ATOSA: variants seen among roughly 807,000 people sequenced by gnomAD.
ATOSA encodes atos homolog protein A.
the ATOSA span, among the ~76,000 whole-genome samples, chr15:52,622,802 C>A: frequency 6.6e-6 from 1 of 151,800 alleles, no homozygotes; most frequent in Non-Finnish European, 1.5e-5. Flanking sequence ...GCTGAAATTG[C>A]AGTGGGGAGA....
At chr15:52,704,527 G>A in the ATOSA span, among the ~76,000 whole-genome samples, 1 of 152,148 alleles carries the variant, frequency 6.6e-6, no homozygotes, top group African/African-American at 2.4e-5. Flanking sequence ...AAACTAACGA[G>A]CTTCTGCACA....
the ATOSA span, among the ~76,000 whole-genome samples, chr15:52,662,496 C>T: frequency 6.6e-6 from 1 of 152,160 alleles, no homozygotes; most frequent in African/African-American, 2.4e-5. Flanking sequence ...TAGGGCCGGG[C>T]ACGGTGGCTC....
At chr15:52,662,628 G>T in the ATOSA span, among the ~76,000 whole-genome samples, 2 of 151,504 alleles carry the variant, frequency 1.3e-5, no homozygotes, top group Non-Finnish European at 3.0e-5. Context: ...AAATTAGCAG[G>T]GCACGGTGGC....
the ATOSA span, among the ~76,000 whole-genome samples, chr15:52,634,527 G>A: frequency 4.0e-5 from 6 of 151,462 alleles, no homozygotes; most frequent in South Asian, 2.1e-4. Flanking sequence ...AAAGGCAGAC[G>A]TTGTGAGATT....
At chr15:52,587,057 A>G in the ATOSA span, 3 of 1,589,366 alleles carry the variant, frequency 1.9e-6, no homozygotes, top group Admixed American at 5.5e-5. Context: ...GTTACTTACC[A>G]AAGTTGTTGC....
At chr15:52,635,906 G>A in the ATOSA span, among the ~76,000 whole-genome samples, 1 of 151,600 alleles carries the variant, frequency 6.6e-6, no homozygotes, top group African/African-American at 2.4e-5. Flanking sequence ...TGAGGCAGGA[G>A]AATTGCTTGA....
chr15:52,625,722 T>G, the ATOSA span, among the ~76,000 whole-genome samples: 1 of 152,198 alleles, frequency 6.6e-6, no homozygotes, highest in Non-Finnish European at 1.5e-5. Context: ...TACGTTTTTA[T>G]AGTCATCTAG....
chr15:52,703,958 G>A, the ATOSA span, among the ~76,000 whole-genome samples: 3 of 151,986 alleles, frequency 2.0e-5, no homozygotes, highest in Admixed American at 2.0e-4. Context: ...GTGACTTCCA[G>A]GATATACTAT....
the ATOSA span, among the ~76,000 whole-genome samples, chr15:52,688,561 A>G: frequency 1.3e-5 from 2 of 152,270 alleles, no homozygotes; most frequent in Admixed American, 1.3e-4. Flanking sequence ...CCACTGAGGG[A>G]TGGGGGTTGG....
the ATOSA span, among the ~76,000 whole-genome samples, chr15:52,664,896 C>T: frequency 6.6e-6 from 1 of 152,034 alleles, no homozygotes; most frequent in Non-Finnish European, 1.5e-5. Flanking sequence ...TATGATCATG[C>T]CACTGCACTC....
chr15:52,680,854 ATGAAC>A, the ATOSA span, among the ~76,000 whole-genome samples: 1 of 149,098 alleles, frequency 6.7e-6, no homozygotes, highest in East Asian at 1.9e-4. Flanking sequence ...TTTTTAAAAA[ATGAAC>A]TGAAGTTTTA....
chr15:52,597,916 A>C, the ATOSA span, among the ~76,000 whole-genome samples: 1 of 152,246 alleles, frequency 6.6e-6, no homozygotes, highest in East Asian at 1.9e-4. Flanking sequence ...CCTGAGTTCA[A>C]GAGTTTGAGA....
the ATOSA span, chr15:52,657,435 T>C: frequency 6.6e-6 from 1 of 152,258 alleles, no homozygotes; most frequent in Non-Finnish European, 1.5e-5. Flanking sequence ...CTATTTCACA[T>C]TGGTTTGCTT....
the ATOSA span, among the ~76,000 whole-genome samples, chr15:52,664,099 TA>T: frequency 6.6e-6 from 1 of 152,198 alleles, no homozygotes; most frequent in Non-Finnish European, 1.5e-5. Context: ...TGCCAGAGTT[TA>T]ACTTCACAGA....
chr15:52,599,533 C>T, the ATOSA span, among the ~76,000 whole-genome samples: 1 of 152,038 alleles, frequency 6.6e-6, no homozygotes, highest in African/African-American at 2.4e-5. Flanking sequence ...CAGTTAAAAT[C>T]ACTTTAAAAA....
At chr15:52,640,571 CAAAAAAAAAA>C in the ATOSA span, among the ~76,000 whole-genome samples, 13 of 27,570 alleles carry the variant, frequency 4.7e-4, no homozygotes, top group East Asian at 0.012. Flanking sequence ...ACTCAAGTCT[CAAAAAAAAAA>C]AAAAAAAAAA....
At chr15:52,629,911 T>A in the ATOSA span, among the ~76,000 whole-genome samples, 1 of 151,388 alleles carries the variant, frequency 6.6e-6, no homozygotes, top group East Asian at 1.9e-4. Flanking sequence ...ACAAAACAAA[T>A]GAAGTAGAAA....
chr15:52,653,240 A>G, the ATOSA span, among the ~76,000 whole-genome samples: 5 of 152,142 alleles, frequency 3.3e-5, no homozygotes, highest in Non-Finnish European at 7.3e-5. Context: ...TGGAGTTACT[A>G]AAGTGCCCCA....
At chr15:52,582,813 A>C in the ATOSA span, among the ~76,000 whole-genome samples, 41 of 152,354 alleles carry the variant, frequency 2.7e-4, no homozygotes, top group South Asian at 7.5e-3. Context: ...GCCACCATCA[A>C]AAGTCAAGAG....
Sources: allele counts gnomAD v4.1 joint callset (sites outside exome capture counted in the v4.1 genomes callset), GRCh38; gene constraint gnomAD v4.1.1; transcripts MANE v1.5; gene names NCBI Gene and HGNC (gene_info 2026-07-23, HGNC 2026-07-21).